Variants in RBFOX1 observed in about 807,000 individuals in gnomAD.
RBFOX1 encodes the protein RNA binding fox-1 homolog 1.
Under a neutral mutation model 57.7 loss-of-function variants are expected in RBFOX1, and 8 were observed. The ratio of observed to expected loss-of-function variants is 0.14; its 90% CI spans 0.08 to 0.25. The LOEUF (loss-of-function observed/expected upper bound fraction) is 0.25, where lower values mean the gene tolerates loss of function less well. Ranked by LOEUF, RBFOX1 falls within the 10% of genes least tolerant of loss-of-function variation. RBFOX1 has a pLI of 1.00. For synonymous variants in RBFOX1, 326 were observed against 222.4 expected (o/e 1.47, Z -4.15); for missense variants, 611 against 548.5 (o/e 1.11, Z -1.14).
chr16:6,208,575 C>A (rs1212880318), intron 1 of RBFOX1, among the ~76,000 whole-genome samples: 1 of 152,170 alleles, frequency 6.6e-6, no homozygotes, highest in Non-Finnish European at 1.5e-5. Flanking sequence ...TACAAAGTGC[C>A]TGATGTAGAT....
chr16:7,560,133 G>A (rs1235028090), intron 5 of RBFOX1, among the ~76,000 whole-genome samples: 3 of 152,342 alleles, frequency 2.0e-5, no homozygotes, highest in Non-Finnish European at 4.4e-5. Flanking sequence ...TGTACCTGGA[G>A]AAAGACCAGT....
At chr16:6,436,974 G>C (rs997965253) in intron 2 of RBFOX1, among the ~76,000 whole-genome samples, 1 of 152,168 alleles carries the variant, frequency 6.6e-6, no homozygotes, top group African/African-American at 2.4e-5. Context: ...CAGAATCCGA[G>C]ATGTCTATTT....
intron 2 of RBFOX1, among the ~76,000 whole-genome samples, chr16:6,563,794 C>G (rs200594783): frequency 1.1e-4 from 16 of 151,598 alleles, no homozygotes; most frequent in African/African-American, 3.6e-4. Flanking sequence ...CCACTGCAAT[C>G]CAGTCTAGGA....
chr16:5,920,452 C>T (rs758078847), intron 4 of RBFOX1, among the ~76,000 whole-genome samples: 5 of 152,102 alleles, frequency 3.3e-5, no homozygotes, highest in Non-Finnish European at 7.4e-5. Flanking sequence ...TTTTATTTCT[C>T]GTGGGTGTAT....
At chr16:6,698,513 C>G (rs77146471) in intron 3 of RBFOX1, among the ~76,000 whole-genome samples, 4,388 of 152,212 alleles carry the variant, frequency 0.029, 213 homozygotes, top group African/African-American at 0.1. Context: ...CCCATGAGCG[C>G]TTAACTCTTT....
intron 1 of RBFOX1, among the ~76,000 whole-genome samples, chr16:6,233,625 A>G (rs2097482686): frequency 6.6e-6 from 1 of 152,004 alleles, no homozygotes; most frequent in African/African-American, 2.4e-5. Context: ...TTTTTTATCA[A>G]AGAAATGGGG....
At chr16:6,893,223 G>A (rs2065944806) in intron 3 of RBFOX1, among the ~76,000 whole-genome samples, 1 of 152,164 alleles carries the variant, frequency 6.6e-6, no homozygotes, top group African/African-American at 2.4e-5. Flanking sequence ...GGGAAGCAGA[G>A]ACTGTGGAGG....
chr16:6,981,282 C>G (rs75651825), intron 3 of RBFOX1, among the ~76,000 whole-genome samples: 3,042 of 152,046 alleles, frequency 0.02, 109 homozygotes, highest in African/African-American at 0.069. Context: ...CATTCACCCT[C>G]CAAAAGGCCC....
chr16:6,388,258 G>C (rs1197105775), intron 2 of RBFOX1, among the ~76,000 whole-genome samples: 1 of 151,988 alleles, frequency 6.6e-6, no homozygotes, highest in Non-Finnish European at 1.5e-5. Flanking sequence ...GAGCCACCGT[G>C]CTTGGTCCTG....
intron 9 of RBFOX1, among the ~76,000 whole-genome samples, chr16:7,606,738 G>A (rs1215298721): frequency 6.6e-6 from 1 of 152,146 alleles, no homozygotes; most frequent in Non-Finnish European, 1.5e-5. Flanking sequence ...GTTCCTGAAT[G>A]CATCAAAATG....
intron 2 of RBFOX1, among the ~76,000 whole-genome samples, chr16:6,377,827 G>A (rs1463889430): frequency 6.6e-6 from 1 of 152,154 alleles, no homozygotes; most frequent in Non-Finnish European, 1.5e-5. Context: ...ATAACAGAAT[G>A]AAGCTTCCCC....
At chr16:6,614,414 T>C (rs2098114955) in intron 2 of RBFOX1, among the ~76,000 whole-genome samples, 1 of 152,148 alleles carries the variant, frequency 6.6e-6, no homozygotes, top group South Asian at 2.1e-4. Context: ...AAGAAGATGG[T>C]TATTAAAAAG....
At chr16:5,690,347 C>T (rs2050635695) in intron 3 of RBFOX1, among the ~76,000 whole-genome samples, 1 of 152,152 alleles carries the variant, frequency 6.6e-6, no homozygotes, top group South Asian at 2.1e-4. Context: ...CTCCCAAAAG[C>T]CAGTGATGAC....
intron 5 of RBFOX1, among the ~76,000 whole-genome samples, chr16:7,539,346 G>T (rs758977681): frequency 1.3e-5 from 2 of 152,138 alleles, no homozygotes; most frequent in African/African-American, 2.4e-5. Flanking sequence ...TCCAGGAAGA[G>T]TGAAGAGTAT....
chr16:6,310,363 C>G (rs2080103773), intron 1 of RBFOX1, among the ~76,000 whole-genome samples: 1 of 152,202 alleles, frequency 6.6e-6, no homozygotes. Flanking sequence ...TGAAAGTCAT[C>G]TGGATGATCT....
intron 3 of RBFOX1, among the ~76,000 whole-genome samples, chr16:6,995,724 G>A (rs193161483): frequency 3.3e-5 from 5 of 151,930 alleles, no homozygotes; most frequent in African/African-American, 7.3e-5. Context: ...TCATGCCACC[G>A]CACTGCAGCC....
At chr16:6,234,802 A>G (rs937470333) in intron 1 of RBFOX1, among the ~76,000 whole-genome samples, 4 of 149,746 alleles carry the variant, frequency 2.7e-5, no homozygotes, top group Middle Eastern at 3.4e-3. Context: ...ACACATACGC[A>G]TGAACTACAC....
intron 6 of RBFOX1, among the ~76,000 whole-genome samples, chr16:7,581,464 C>G (rs73488642): frequency 0.013 from 2,049 of 152,220 alleles, 48 homozygotes; most frequent in African/African-American, 0.047. Context: ...TCAAGTGTCA[C>G]TGTGATGTTG....
chr16:7,596,289 C>G (rs548766244), intron 8 of RBFOX1, among the ~76,000 whole-genome samples: 10 of 151,368 alleles, frequency 6.6e-5, no homozygotes, highest in Non-Finnish European at 1.2e-4. Context: ...GCATAAATAC[C>G]AAAATACTGA....
Sources: allele counts gnomAD v4.1 joint callset (sites outside exome capture counted in the v4.1 genomes callset), GRCh38; gene constraint gnomAD v4.1.1; transcripts MANE v1.5; gene names NCBI Gene and HGNC (gene_info 2026-07-23, HGNC 2026-07-21).